The following PPP1R13B variants were observed in gnomAD, a reference collection of about 807,000 sequenced individuals.
PPP1R13B encodes protein phosphatase 1 regulatory subunit 13B.
Under a neutral mutation model 119.8 loss-of-function variants are expected in PPP1R13B, and 44 were observed. The observed-to-expected ratio is 0.37, with a 90% CI of 0.29 to 0.47. The LOEUF (loss-of-function observed/expected upper bound fraction) is 0.47, where lower values mean the gene tolerates loss of function less well. PPP1R13B is among the 20% of genes least tolerant of loss of function. PPP1R13B has a pLI of 0.99. For synonymous variants in PPP1R13B, 542 were observed against 561.5 expected, an observed-to-expected ratio of 0.97 and a Z score of 0.49; for missense variants, 1,227 against 1,413.5, an observed-to-expected ratio of 0.87 and a Z score of 2.12.
intron 1 of PPP1R13B, among the ~76,000 whole-genome samples, chr14:103,832,495 T>C (rs1046471945): frequency 1.4e-4 from 22 of 152,208 alleles, no homozygotes; most frequent in Non-Finnish European, 1.0e-4. Flanking sequence ...ATGTGAAGGA[T>C]TGAAGAAGTC....
chr14:103,829,426 AT>A (rs1367643546), intron 1 of PPP1R13B, among the ~76,000 whole-genome samples: 3 of 151,790 alleles, frequency 2.0e-5, no homozygotes, highest in South Asian at 4.2e-4. Context: ...TTTAAAAAAA[AT>A]TTTTTTTTAA....
chr14:103,783,829 G>A (rs1429867157), intron 3 of PPP1R13B, among the ~76,000 whole-genome samples: 3 of 152,162 alleles, frequency 2.0e-5, no homozygotes, highest in African/African-American at 7.2e-5. Flanking sequence ...GAAATTACTA[G>A]CCTGAGCCAC....
intron 4 of PPP1R13B, among the ~76,000 whole-genome samples, chr14:103,763,433 T>A (rs900724716): frequency 6.6e-6 from 1 of 152,078 alleles, no homozygotes; most frequent in African/African-American, 2.4e-5. Context: ...GTATTATTCA[T>A]CTGTACTTTT....
In PPP1R13B at chr14:103,778,780, T is replaced by C. The variant is rs768542706; in HGVS notation, c.319A>G (p.Ile107Val). The C allele has an allele frequency of 6.2e-6, 10 of 1,613,976 alleles. No homozygotes were observed. The highest frequency in any genetic ancestry group is 4.4e-5 in the South Asian group (4 of 91,076). Residue 107 changes from isoleucine to valine, a missense_variant, in exon 4 of 17, where the codon ATA becomes GTA. Physicochemically the swap from Ile to Val is conservative, Grantham distance 29. Coordinates refer to ENST00000202556, the MANE Select transcript of PPP1R13B (RefSeq NM_015316.3). ...TQEQRTQRNV[I>V]NVPGEKRTEN... The stretch of plus-strand genomic sequence containing the variant: ...GTACGTTTTTCTCCAGGTACATTTA[T>C]TACATTTCTCTGAGTTCGTTGCTCT...
chr14:103,839,385 T>C (rs1039494656), intron 1 of PPP1R13B, among the ~76,000 whole-genome samples: 9 of 151,832 alleles, frequency 5.9e-5, no homozygotes, highest in Non-Finnish European at 1.2e-4. Flanking sequence ...CCCAGCACTT[T>C]GGGGGGTTGA....
In PPP1R13B at chr14:103,739,852, G is replaced by A; in HGVS notation, c.2564C>T (p.Pro855Leu). The change falls in exon 12 of 17, where the codon CCT (proline) becomes CTT (leucine). Residue 855 changes from proline (P) to leucine (L), a missense_variant. Coordinates refer to ENST00000202556, the MANE Select transcript of PPP1R13B (RefSeq NM_015316.3). ...GGAGGTGGCAGGAGGGTGGCTGGCA[G>A]GGGGAAGAGGTGCTGGAGGGACCTG... is the stretch of plus-strand genomic sequence containing the variant. ...EEQVPPAPLP[P>L]ASHPPATSTN... The A allele has an allele frequency of 6.2e-7, 1 of 1,609,934 alleles. No individual in the cohort carries two copies. The highest frequency in any genetic ancestry group is 2.2e-5 in the East Asian group (1 of 44,748).
intron 1 of PPP1R13B, among the ~76,000 whole-genome samples, chr14:103,825,709 C>T (rs1237828483): frequency 6.6e-6 from 1 of 152,190 alleles, no homozygotes; most frequent in Non-Finnish European, 1.5e-5. Context: ...AAGAAGTCAT[C>T]TCTGTATCAT....
At chr14:103,841,353 C>T (rs1017173302) in intron 1 of PPP1R13B, among the ~76,000 whole-genome samples, 4 of 151,800 alleles carry the variant, frequency 2.6e-5, no homozygotes, top group Admixed American at 6.6e-5. Context: ...TCTGAGAGGC[C>T]GAGGCGGGCA....
At chr14:103,848,408 A>AGCCCTGGGCAGG, upstream of PPP1R13B, 1 of 985,438 alleles carries the variant, frequency 1.0e-6, no homozygotes, top group African/African-American at 1.7e-5. Flanking sequence ...GGAGTGACAG[A>AGCCCTGGGCAGG]GCCCTGGGCA....
At chr14:103,745,191 G>A (rs557383790) in intron 9 of PPP1R13B, among the ~76,000 whole-genome samples, 11 of 152,318 alleles carry the variant, frequency 7.2e-5, no homozygotes, top group African/African-American at 2.4e-4. Flanking sequence ...TGGCTCACAA[G>A]TGCTGGTGAT....
At chr14:103,808,644 C>T (rs2086074943) in intron 1 of PPP1R13B, among the ~76,000 whole-genome samples, 2 of 152,096 alleles carry the variant, frequency 1.3e-5, no homozygotes, top group African/African-American at 4.8e-5. Context: ...ACCCCCTTCC[C>T]CTGACACAAA....
Position 103,738,360 on chromosome 14 carries a change from GCA to G in PPP1R13B, c.2864+317_2864+318del, listed in dbSNP as rs2084165012. 2.7e-6 allele frequency: 1 copy of G among 375,680 alleles called. No homozygotes were observed. The highest frequency in any genetic ancestry group is 4.1e-5 in the Admixed American group (1 of 24,594). The allele number at this position is 375,680 out of a possible 1,614,324, so 23.3% of individuals were successfully genotyped here. On this transcript the variant is annotated intron_variant, in intron 14 of 16. Coordinates refer to ENST00000202556, the MANE Select transcript of PPP1R13B (RefSeq NM_015316.3). This position sits in a 1 kb window ranked among gnomAD's most constrained non-coding sequence, Gnocchi z 5.6. ...ATGCTGAGGCTGCTTTTCACACGGA[GCA>G]CAGAGTGTGAAGAGTCCATACGGAA...
At chr14:103,817,719 CT>C (rs886800433) in intron 1 of PPP1R13B, among the ~76,000 whole-genome samples, 4 of 151,648 alleles carry the variant, frequency 2.6e-5, no homozygotes, top group African/African-American at 7.3e-5. Flanking sequence ...AGCCCCTCTC[CT>C]TTTTTTTAAC....
intron 14 of PPP1R13B, 81 bp from the exon 15 acceptor site, chr14:103,737,941 G>T (rs2084155111): frequency 1.4e-6 from 2 of 1,430,550 alleles, no homozygotes; most frequent in Middle Eastern, 2.3e-4. Context: ...TCCCTCTAAG[G>T]AATCTCGCGG....
chr14:103,740,320 G>A lies in PPP1R13B; in HGVS notation c.2096C>T (p.Ala699Val), dbSNP rs1299102919. 3.2e-6 allele frequency: 5 copies of A among 1,573,474 alleles called. No homozygotes were observed. The highest frequency in any genetic ancestry group is 4.5e-5 in the East Asian group (2 of 44,398). Residue 699 changes from alanine to valine, a missense_variant, in exon 12 of 17, where the codon GCC (alanine) becomes GTC (valine). Ala to Val is a moderately conservative substitution (Grantham distance 64, BLOSUM62 0). Transcript: ENST00000202556. This position sits in a 1 kb window ranked among gnomAD's most constrained non-coding sequence, Gnocchi z 4.6. ...CTTTTTCAGGGGCCGGGGCGCGTTG[G>A]CCAGCTTCCTGCGGAGGGCCTCCAG... is the stretch of plus-strand genomic sequence containing the variant. The part of the protein sequence containing the change: ...ADLEALRRKL[A>V]NAPRPLKKRS...
chr14:103,816,287 A>G (rs1006197903), intron 1 of PPP1R13B, among the ~76,000 whole-genome samples: 2 of 150,700 alleles, frequency 1.3e-5, no homozygotes, highest in African/African-American at 4.9e-5. Context: ...CCTCTCAAGT[A>G]GCTGGGAATA....
intron 2 of PPP1R13B, among the ~76,000 whole-genome samples, chr14:103,795,118 A>G (rs1391051350): frequency 6.6e-6 from 1 of 152,010 alleles, no homozygotes; most frequent in Non-Finnish European, 1.5e-5. Flanking sequence ...TTGTATTTTT[A>G]GTAGAGATGG....
intron 2 of PPP1R13B, among the ~76,000 whole-genome samples, chr14:103,793,468 C>T (rs2085679023): frequency 6.6e-6 from 1 of 152,152 alleles, no homozygotes; most frequent in African/African-American, 2.4e-5. Context: ...CTTGCTTTCC[C>T]TTCACCTTCT....
At chr14:103,841,058 G>A (rs973773184) in intron 1 of PPP1R13B, among the ~76,000 whole-genome samples, 2 of 152,084 alleles carry the variant, frequency 1.3e-5, no homozygotes, top group African/African-American at 2.4e-5. Context: ...AAGCTGAGGC[G>A]GCATGTCACC....
Sources: allele counts gnomAD v4.1 joint callset (sites outside exome capture counted in the v4.1 genomes callset), GRCh38; gene constraint gnomAD v4.1.1; non-coding constraint Gnocchi (gnomAD v3.1); transcripts MANE v1.5; gene names NCBI Gene and HGNC (gene_info 2026-07-23, HGNC 2026-07-21).